The following IL7 variants were observed in gnomAD, a reference collection of about 807,000 sequenced individuals.
The protein encoded by IL7 is interleukin 7.
IL7 carries 3 observed loss-of-function variants against 21.6 expected under a neutral mutation model. The ratio of observed to expected loss-of-function variants is 0.14; its 90% confidence interval spans 0.06 to 0.36. IL7 has a LOEUF of 0.36. Ranked by LOEUF, IL7 falls within the 10% of genes least tolerant of loss-of-function variation. The probability of loss-of-function intolerance (pLI) is 1.00; values close to 1 mark genes in which losing one functional copy is unlikely to be tolerated. For synonymous variants in IL7, 62 were observed against 68.1 expected (o/e 0.91, Z 0.44); for missense variants, 175 against 200.2 (o/e 0.87, Z 0.76).
intron 3 of IL7, among the ~76,000 whole-genome samples, chr8:78,727,745 A>G (rs1394544732): frequency 1.3e-5 from 2 of 151,978 alleles, no homozygotes; most frequent in Non-Finnish European, 2.9e-5. Flanking sequence ...TAAGTTGACA[A>G]CATCTTGGCT....
chr8:78,708,652 T>A (rs1810857204), intron 3 of IL7, among the ~76,000 whole-genome samples: 1 of 151,608 alleles, frequency 6.6e-6, no homozygotes, highest in African/African-American at 2.4e-5. Context: ...AGTTTTTCCC[T>A]TCTTCTAAAA....
chr8:78,716,410 A>G (rs1811104692), downstream of IL7, among the ~76,000 whole-genome samples: 1 of 152,266 alleles, frequency 6.6e-6, no homozygotes, highest in South Asian at 2.1e-4. Context: ...GGTGTGAGCC[A>G]CCGCACCCGG....
rs138221735 is a variant in IL7 at position 78,677,529 on chromosome 8, T to C, written n.274-1425A>G. Among the ~76,000 whole-genome samples the C allele has an allele frequency of 2.0e-5, 3 of 152,290 alleles. No homozygotes were observed. The East Asian group carries it at 5.8e-4, about 29-fold the overall frequency. On this transcript the variant is annotated intron_variant and non_coding_transcript_variant, in intron 4 of 4. Coordinates refer to the IL7 transcript ENST00000523959. ...TGTTAACTTTATATTAGCATATTAC[T>C]ATTATGTTAACTTTAGTAATCCAAA...
At chr8:78,804,887 T>G in intron 1 of IL7, 26 bp downstream of exon 1, 1 of 1,612,628 alleles carries the variant, frequency 6.2e-7, no homozygotes, top group Non-Finnish European at 8.5e-7. Flanking sequence ...CGCGCGAACT[T>G]GTGCGCAAGG....
At chr8:78,748,310 G>A (rs16906068) in intron 2 of IL7, among the ~76,000 whole-genome samples, 5,615 of 152,286 alleles carry the variant, frequency 0.037, 313 homozygotes, top group African/African-American at 0.13. Context: ...GAATCTTTAT[G>A]AGGCTATTAC....
At chr8:78,717,926 ATAG>A (rs1414949545) in exon 7 of IL7, 1 of 153,842 alleles carries the variant, frequency 6.5e-6, no homozygotes, top group African/African-American at 2.4e-5. Flanking sequence ...AGATAGTATC[ATAG>A]TAGGATAGAT....
Position 78,739,983 on chromosome 8 carries a change from T to G in IL7, c.228+19A>C, listed in dbSNP as rs748804746. On this transcript the variant is annotated intron_variant, in intron 3 of 5. Coordinates refer to ENST00000263851, the MANE Select transcript of IL7 (RefSeq NM_000880.4). ...ATAAAATCAAGCTTGAATGACAAACTCCAAATAATTATCATTACCTTATTA... is the reference window on the plus strand; with the variant it reads ...ATAAAATCAAGCTTGAATGACAAACGCCAAATAATTATCATTACCTTATTA... 1 of 1,502,818 alleles carries G rather than the reference T, an allele frequency of 6.7e-7. No homozygotes were observed. Among genetic ancestry groups the G allele is most frequent in the Non-Finnish European group, 8.8e-7 (1 of 1,133,386 alleles). The allele number at this position is 1,502,818 out of a possible 1,614,324, so 93.1% of individuals were successfully genotyped here. A position where few individuals can be genotyped will look rare whatever the true frequency, so the allele number is the denominator to read the frequency against.
intron 2 of IL7, among the ~76,000 whole-genome samples, chr8:78,742,247 C>G (rs1811811327): frequency 6.6e-6 from 1 of 152,014 alleles, no homozygotes; most frequent in Admixed American, 6.6e-5. Flanking sequence ...TCGCTTGAAC[C>G]TGGGAGGCGG....
At chr8:78,675,499 G>T (rs1290150451), downstream of IL7, among the ~76,000 whole-genome samples, 1 of 151,856 alleles carries the variant, frequency 6.6e-6, no homozygotes, top group Non-Finnish European at 1.5e-5. Flanking sequence ...AAGAGAATAT[G>T]ACAAATTGAT....
intron 2 of IL7, among the ~76,000 whole-genome samples, chr8:78,753,111 G>A (rs1812229633): frequency 6.6e-6 from 1 of 151,456 alleles, no homozygotes; most frequent in Non-Finnish European, 1.5e-5. Flanking sequence ...TATGGGATTG[G>A]TGGGTCAAAT....
At chr8:78,713,790 C>A (rs989647937), downstream of IL7, among the ~76,000 whole-genome samples, 2 of 152,216 alleles carry the variant, frequency 1.3e-5, no homozygotes, top group Non-Finnish European at 2.9e-5. Context: ...AAGTACTACT[C>A]TGGCCACGTA....
In IL7 at chr8:78,765,801, C is replaced by T. The variant is rs181639677; in HGVS notation, c.148-25719G>A. ...TTCTACAAAACTAAACAATCTCTTACGACATAATGCAGCAATCCTTGCTAT... is the reference window on the plus strand; with the variant it reads ...TTCTACAAAACTAAACAATCTCTTATGACATAATGCAGCAATCCTTGCTAT... On this transcript the variant is annotated intron_variant, in intron 2 of 5. Transcript: ENST00000263851. 8.0e-4 allele frequency among the ~76,000 whole-genome samples: 121 copies of T among 152,200 alleles called. 1 individual carries two copies. Among genetic ancestry groups the T allele is most frequent in the African/African-American group, 1.6e-3 (67 of 41,538 alleles).
At chr8:78,786,453 C>A (rs74756472) in intron 2 of IL7, among the ~76,000 whole-genome samples, 1 of 152,074 alleles carries the variant, frequency 6.6e-6, no homozygotes, top group African/African-American at 2.4e-5. Context: ...GTGAGTGAGC[C>A]ATGAGTGAAT....
At chr8:78,739,958 A>G in intron 3 of IL7, 44 bp downstream of exon 3, 1 of 1,474,344 alleles carries the variant, frequency 6.8e-7, no homozygotes, top group South Asian at 1.4e-5. Context: ...AGAAGCTTCT[A>G]TAAAATCAAG....
chr8:78,786,523 CA>C (rs1168055693), intron 2 of IL7, among the ~76,000 whole-genome samples: 1 of 152,138 alleles, frequency 6.6e-6, no homozygotes, highest in Non-Finnish European at 1.5e-5. Context: ...ACTGGCAGTG[CA>C]ATGGGTTTGT....
intron 4 of IL7, among the ~76,000 whole-genome samples, chr8:78,681,075 CT>C (rs112732264): frequency 1.5e-3 from 221 of 144,252 alleles, no homozygotes; most frequent in Middle Eastern, 3.6e-3. Flanking sequence ...AGGCTGTGAC[CT>C]TTTTTTTTTT....
chr8:78,723,216 T>C (rs1013773964), intron 3 of IL7, among the ~76,000 whole-genome samples: 4 of 151,590 alleles, frequency 2.6e-5, no homozygotes, highest in Non-Finnish European at 4.4e-5. Context: ...AATTACAATC[T>C]TCATGCTATA....
chr8:78,721,912 A>G (rs1168964786), intron 3 of IL7, among the ~76,000 whole-genome samples: 2 of 152,020 alleles, frequency 1.3e-5, no homozygotes, highest in Admixed American at 6.6e-5. Flanking sequence ...AATTGAAGAA[A>G]TTGGCCATTA....
chr8:78,750,740 C>T (rs1272209913), intron 2 of IL7, among the ~76,000 whole-genome samples: 2 of 152,150 alleles, frequency 1.3e-5, no homozygotes, highest in African/African-American at 2.4e-5. Context: ...AGGAGAATGG[C>T]GTGAACCTGA....
Sources: gnomAD v4.1 joint callset for allele counts (sites outside exome capture counted in the v4.1 genomes callset) on GRCh38, gnomAD v4.1.1 for gene constraint, MANE v1.5 for transcripts, NCBI Gene and HGNC (gene_info 2026-07-23, HGNC 2026-07-21) for gene names.